Variants in GON4L observed in about 807,000 individuals in gnomAD.
The protein encoded by GON4L is GON-4-like protein.
Under a neutral mutation model 211.8 loss-of-function variants are expected in GON4L, and 87 were observed. That is an observed-to-expected ratio of 0.41 (90% CI 0.35 to 0.49). The LOEUF (loss-of-function observed/expected upper bound fraction) is 0.49, where lower values mean the gene tolerates loss of function less well. Ranked by LOEUF, GON4L falls within the 20% of genes least tolerant of loss-of-function variation. GON4L has a pLI of 0.15. For synonymous variants in GON4L, 875 were observed against 962.6 expected, an observed-to-expected ratio of 0.91 and a Z score of 1.68; for missense variants, 2,155 against 2,659.5, an observed-to-expected ratio of 0.81 and a Z score of 4.17.
At chr1:155,781,923 A>AT (rs1181504849) in intron 14 of GON4L, among the ~76,000 whole-genome samples, 1 of 151,736 alleles carries the variant, frequency 6.6e-6, no homozygotes, top group African/African-American at 2.4e-5. Flanking sequence ...CACCCAGCTA[A>AT]TTTTTGTATT....
chr1:155,775,980 G>A (rs536304858), intron 16 of GON4L, among the ~76,000 whole-genome samples: 8 of 151,908 alleles, frequency 5.3e-5, no homozygotes, highest in South Asian at 4.2e-4. Flanking sequence ...ACGGGCTTTC[G>A]GCATGTTGCC....
intron 12 of GON4L, among the ~76,000 whole-genome samples, chr1:155,786,581 C>T (rs117425845): frequency 2.6e-5 from 4 of 152,148 alleles, no homozygotes; most frequent in South Asian, 2.1e-4. Flanking sequence ...TTTCACAGGA[C>T]GCTGTCTTTG....
intron 2 of GON4L, among the ~76,000 whole-genome samples, chr1:155,851,860 ATCTAC>A (rs1349695948): frequency 6.6e-6 from 1 of 151,760 alleles, no homozygotes; most frequent in East Asian, 1.9e-4. Context: ...CCTTAGTACA[ATCTAC>A]TACTCTAAAG....
chr1:155,828,896 A>T lies in GON4L; in HGVS notation c.506-1868T>A, dbSNP rs569128229. 1.5e-4 allele frequency among the ~76,000 whole-genome samples: 23 copies of T among 152,196 alleles called. No homozygotes were observed. In the South Asian group the frequency reaches 4.6e-3, roughly 30 times the overall value. On this transcript the variant is annotated intron_variant, in intron 2 of 31. Coordinates refer to ENST00000368331, the MANE Select transcript of GON4L (RefSeq NM_001282860.2). ...TATATACAGAAAATCCCTGGACTAT[A>T]CACAAAAAATTGTTTAACAGTTACC...
chr1:155,826,763 G>A, intron 3 of GON4L, 74 bp downstream of exon 3: 1 of 961,708 alleles, frequency 1.0e-6, no homozygotes, highest in Non-Finnish European at 1.7e-6. Context: ...GATATCTTAG[G>A]ACATGTGCAG....
downstream of GON4L, chr1:155,747,802 G>C: frequency 1.2e-6 from 2 of 1,612,164 alleles, no homozygotes; most frequent in Non-Finnish European, 1.7e-6. Flanking sequence ...GGCTTCTCTG[G>C]GGTAGGCGCG....
chr1:155,803,916 G>C (rs1450875704), intron 11 of GON4L, among the ~76,000 whole-genome samples: 1 of 152,178 alleles, frequency 6.6e-6, no homozygotes, highest in Non-Finnish European at 1.5e-5. Flanking sequence ...AGAGAGGAAA[G>C]GGGGATCCTA....
intron 2 of GON4L, among the ~76,000 whole-genome samples, chr1:155,851,220 G>A (rs1482623083): frequency 6.6e-6 from 1 of 151,660 alleles, no homozygotes; most frequent in Non-Finnish European, 1.5e-5. Flanking sequence ...TGGGCATGGT[G>A]GCAGACACCT....
intron 6 of GON4L, among the ~76,000 whole-genome samples, chr1:155,820,377 A>T (rs549033011): frequency 4.6e-5 from 7 of 152,324 alleles, no homozygotes; most frequent in African/African-American, 1.7e-4. Flanking sequence ...AACTATTCCA[A>T]ATGGTTATCT....
At chr1:155,784,394 T>C (rs1664736388) in intron 13 of GON4L, 1 of 261,702 alleles carries the variant, frequency 3.8e-6, no homozygotes, top group Non-Finnish European at 6.9e-6. Flanking sequence ...TTTTTTTTTT[T>C]TGAGACAGAG....
chr1:155,782,356 C>A (rs772502085), intron 14 of GON4L, among the ~76,000 whole-genome samples: 1 of 152,138 alleles, frequency 6.6e-6, no homozygotes, highest in East Asian at 1.9e-4. Flanking sequence ...GATTACTGTA[C>A]CTTTTCTATG....
chr1:155,745,734 C>A, downstream of GON4L: 1 of 1,100,854 alleles, frequency 9.1e-7, no homozygotes, highest in Non-Finnish European at 1.3e-6. Context: ...CAATAAGTCG[C>A]CAGTATAACA....
At chr1:155,832,350 C>T (rs999072917) in intron 2 of GON4L, among the ~76,000 whole-genome samples, 12 of 151,632 alleles carry the variant, frequency 7.9e-5, no homozygotes, top group East Asian at 1.9e-4. Context: ...ATGTATTGCC[C>T]GGCAAGGTGC....
intron 19 of GON4L, among the ~76,000 whole-genome samples, chr1:155,769,165 G>A (rs80118977): frequency 6.6e-6 from 1 of 151,028 alleles, no homozygotes; most frequent in South Asian, 2.1e-4. Context: ...TAGTAGAGAC[G>A]GGGTTTCACC....
intron 11 of GON4L, among the ~76,000 whole-genome samples, chr1:155,795,703 G>GA (rs992919225): frequency 1.3e-5 from 2 of 152,018 alleles, no homozygotes; most frequent in African/African-American, 4.8e-5. Flanking sequence ...GCAGTGGCAC[G>GA]ATCATGGCTC....
chr1:155,786,141 C>T (rs1300214911), intron 12 of GON4L, among the ~76,000 whole-genome samples: 1 of 151,776 alleles, frequency 6.6e-6, no homozygotes, highest in South Asian at 2.1e-4. Context: ...ATTTATTGAG[C>T]ACTATGCTTC....
intron 23 of GON4L, 75 bp from the exon 24 acceptor site, chr1:155,760,716 G>T: frequency 1.0e-6 from 1 of 986,836 alleles, no homozygotes; most frequent in Non-Finnish European, 1.6e-6. Flanking sequence ...AAGGGAGAAG[G>T]CAGGGTTATG....
intron 19 of GON4L, among the ~76,000 whole-genome samples, chr1:155,769,453 A>C (rs1384142690): frequency 6.6e-6 from 1 of 152,222 alleles, no homozygotes; most frequent in East Asian, 1.9e-4. Context: ...CCAAAACATC[A>C]GTGCAGCAAG....
At chr1:155,746,065 G>A, downstream of GON4L, 1 of 767,260 alleles carries the variant, frequency 1.3e-6, no homozygotes, top group Non-Finnish European at 2.1e-6. Context: ...GTGCCCCGAC[G>A]TCCTGTATCG....
Sources: allele counts gnomAD v4.1 joint callset (sites outside exome capture counted in the v4.1 genomes callset), GRCh38; gene constraint gnomAD v4.1.1; transcripts MANE v1.5; gene names NCBI Gene and HGNC (gene_info 2026-07-23, HGNC 2026-07-21).